OGA: variants seen among roughly 807,000 people sequenced by gnomAD.
OGA encodes the protein protein O-GlcNAcase.
A neutral mutation model predicts 102.0 loss-of-function variants in OGA; 21 were observed. The observed-to-expected ratio is 0.21, with a 90% CI of 0.15 to 0.30. OGA has a LOEUF of 0.30. OGA is among the 10% of genes least tolerant of loss of function. The pLI, the probability that OGA is intolerant of heterozygous loss-of-function variation, is 1.00. For synonymous variants in OGA, 408 were observed against 378.2 expected (o/e 1.08, Z -0.91); for missense variants, 765 against 1,107.8 (o/e 0.69, Z 4.39).
intron 5 of OGA, 106 bp from the exon 6 acceptor site, chr10:101,806,249 C>T (rs2135075328): frequency 3.0e-6 from 2 of 675,250 alleles, no homozygotes; most frequent in East Asian, 3.0e-5. Context: ...GATGCCCAGG[C>T]TAGAGTGCAG....
At position 101,798,966 on chromosome 10, in the gene OGA, G is replaced by A; in HGVS notation, c.1685C>T (p.Ala562Val). 6.2e-7 allele frequency: 1 copy of A among 1,614,190 alleles called. No individual in the cohort carries two copies. Reference protein sequence around the residue: ...PVTLEDLQLLADLFYLPYEHG... With the variant: ...PVTLEDLQLLVDLFYLPYEHG... Reference sequence around the variant, plus strand: ...CTCGTAAGGAAGGTAGAATAGATCAGCAAGTAACTGCAAATCCTCCAGGGT... The same window carrying A: ...CTCGTAAGGAAGGTAGAATAGATCAACAAGTAACTGCAAATCCTCCAGGGT... Residue 562 changes from alanine to valine, a missense_variant, in exon 9 of 16, where the codon GCT (alanine) becomes GTT (valine). By Grantham distance (64) the Ala-to-Val change is moderately conservative. This residue lies in a region of OGA where 281 missense variants were observed against 345.8 expected (regional missense o/e 0.81). Transcript: ENST00000361464.
At chr10:101,803,631 T>C in intron 7 of OGA, 104 bp downstream of exon 7, 1 of 1,210,522 alleles carries the variant, frequency 8.3e-7, no homozygotes. Flanking sequence ...AAAAAATAAA[T>C]AAAACTGTTT....
At chr10:101,796,376 C>T (rs978969162) in intron 10 of OGA, among the ~76,000 whole-genome samples, 6 of 152,064 alleles carry the variant, frequency 3.9e-5, no homozygotes, top group Non-Finnish European at 8.8e-5. Flanking sequence ...ATTCTTCTGC[C>T]TCAGCCTCCC....
At position 101,807,268 on chromosome 10, in the gene OGA, G is replaced by A. The variant is rs980591770; in HGVS notation, c.652+462C>T. Among the ~76,000 whole-genome samples, 6 of 152,130 alleles carry A rather than the reference G, an allele frequency of 3.9e-5. No individual in the cohort carries two copies. In the South Asian group the frequency reaches 1.2e-3, roughly 31 times the overall value. On this transcript the variant is annotated intron_variant, in intron 5 of 15. Transcript: ENST00000361464. ...ATTTTCAATGAAAGAAACCAGAGGG[G>A]CAAAAAGAAAGGAAAACGGGAAAAA...
At chr10:101,786,901 G>A (rs1208476227) in intron 15 of OGA, among the ~76,000 whole-genome samples, 3 of 152,190 alleles carry the variant, frequency 2.0e-5, no homozygotes, top group Non-Finnish European at 4.4e-5. Context: ...CCGAGTAGCT[G>A]GGATTACAGG....
intron 1 of OGA, among the ~76,000 whole-genome samples, chr10:101,815,937 G>A (rs1257749240): frequency 3.1e-5 from 4 of 129,628 alleles, no homozygotes; most frequent in African/African-American, 1.2e-4. Context: ...TACGGCTGGT[G>A]CCAACCAAGA....
At chr10:101,810,463 C>A (rs1378553639) in intron 3 of OGA, 149 bp from the exon 4 acceptor site, 1 of 695,044 alleles carries the variant, frequency 1.4e-6, no homozygotes, top group Admixed American at 3.1e-5. Context: ...AACTTAACAA[C>A]AGGCCATACA....
intron 3 of OGA, among the ~76,000 whole-genome samples, chr10:101,811,137 C>G (rs903397231): frequency 6.6e-6 from 1 of 151,938 alleles, no homozygotes; most frequent in Non-Finnish European, 1.5e-5. Context: ...TGCCTGTAAC[C>G]CCAGGACTTT....
intron 10 of OGA, among the ~76,000 whole-genome samples, chr10:101,794,765 C>G (rs766969280): frequency 2.6e-5 from 4 of 152,184 alleles, no homozygotes; most frequent in Admixed American, 6.5e-5. Context: ...TTTAAGGTCA[C>G]CAGTTAACTA....
At chr10:101,792,122 C>A (rs1046260637) in intron 12 of OGA, among the ~76,000 whole-genome samples, 10 of 151,678 alleles carry the variant, frequency 6.6e-5, no homozygotes, top group Non-Finnish European at 1.3e-4. Context: ...GGGTTCAAGC[C>A]ATTGTCCGGC....
rs2065468379 is a variant in OGA, at chr10:101,806,031, C to CTT, written c.751+12_751+13dup. 1 of 1,552,098 alleles carries CTT rather than the reference C, an allele frequency of 6.4e-7. No homozygotes were observed. The highest frequency in any genetic ancestry group is 1.4e-5 in the African/African-American group (1 of 73,430). ...TTAATTCAACTTTGACTGTATAAAT[C>CTT]TTAAAAGACTTACCTGTCCAAAGCA... On this transcript the variant is annotated intron_variant, in intron 6 of 15. Transcript: ENST00000361464.
At chr10:101,801,039 G>C (rs2065384724) in intron 7 of OGA, among the ~76,000 whole-genome samples, 1 of 151,822 alleles carries the variant, frequency 6.6e-6, no homozygotes, top group African/African-American at 2.4e-5. Context: ...CCAAAGTGCT[G>C]AGATTACAAG....
chr10:101,799,219 T>G lies in OGA; in HGVS notation c.1432A>C (p.Lys478Gln). ...VVEKQEETDH[K>Q]NDNQILSEIV... is the part of the protein sequence containing the mutation. ...TCACTCAGTATTTGATTGTCATTCT[T>G]GTGGTCCGTTTCTTCTTGTTTTTCC... The change falls in exon 9 of 16, where the codon AAG becomes CAG. Residue 478 changes from lysine (K) to glutamine (Q), a missense_variant. Transcript: ENST00000361464. The G allele has an allele frequency of 1.2e-6, 2 of 1,614,270 alleles. No homozygotes were observed. The highest frequency in any genetic ancestry group is 8.5e-7 in the Non-Finnish European group (1 of 1,180,052).
chr10:101,815,715 C>T (rs1329331204), intron 1 of OGA, among the ~76,000 whole-genome samples: 1 of 151,788 alleles, frequency 6.6e-6, no homozygotes, highest in Non-Finnish European at 1.5e-5. Flanking sequence ...TAAAAAAAGA[C>T]TTTTCAAATG....
intron 10 of OGA, chr10:101,797,106 A>G (rs1038638465): frequency 6.7e-6 from 1 of 149,916 alleles, no homozygotes; most frequent in African/African-American, 2.5e-5. Flanking sequence ...ACTACTTTTT[A>G]TTCTAAGCTC....
At position 101,798,883 on chromosome 10, in the gene OGA, T is replaced by C; in HGVS notation, c.1768A>G (p.Ser590Gly). The C allele has an allele frequency of 3.7e-6, 6 of 1,614,136 alleles. No homozygotes were observed. Among genetic ancestry groups the C allele is most frequent in the Non-Finnish European group, 5.1e-6 (6 of 1,180,014 alleles). The change falls in exon 9 of 16, where the codon AGT (serine) becomes GGT (glycine). Residue 590 changes from serine (S) to glycine (G), a missense_variant. Around this residue, in one of 7 missense-constraint regions of OGA, gnomAD observed 281 missense variants for 345.8 expected, o/e 0.81. Coordinates refer to ENST00000361464, the MANE Select transcript of OGA (RefSeq NM_012215.5). ...REFQWLRANS[S>G]VVSVNCKGKD... The stretch of plus-strand genomic sequence containing the variant: ...CCTTTGCAATTGACACTGACAACAC[T>C]ACTATTTGCTCGAAGCCATTGAAAT...
At chr10:101,816,550 A>C (rs886203956) in intron 1 of OGA, among the ~76,000 whole-genome samples, 15 of 152,218 alleles carry the variant, frequency 9.9e-5, no homozygotes, top group African/African-American at 3.6e-4. Flanking sequence ...CCCCACTCCA[A>C]GATCTTTGAT....
chr10:101,794,120 G>C (rs771066254), intron 10 of OGA, 122 bp from the exon 11 acceptor site: 273 of 643,268 alleles, frequency 4.2e-4, no homozygotes, highest in South Asian at 4.0e-4. Flanking sequence ...CAGGGTTTCA[G>C]GGCAAGGCTA....
At chr10:101,796,436 A>G (rs1395326924) in intron 10 of OGA, among the ~76,000 whole-genome samples, 4 of 151,674 alleles carry the variant, frequency 2.6e-5, no homozygotes, top group Non-Finnish European at 1.5e-5. Context: ...TAATTTTTGT[A>G]TTTTTAGTAG....
Sources: allele counts gnomAD v4.1 joint callset (sites outside exome capture counted in the v4.1 genomes callset), GRCh38; gene constraint gnomAD v4.1.1; regional missense constraint gnomAD v4.1.1; transcripts MANE v1.5; gene names NCBI Gene and HGNC (gene_info 2026-07-23, HGNC 2026-07-21).